TBC1D19: variants seen among roughly 807,000 people sequenced by gnomAD.
TBC1D19 encodes TBC1 domain family, member 19.
A neutral mutation model predicts 89.0 loss-of-function variants in TBC1D19; 60 were observed. That is an observed-to-expected ratio of 0.67 (90% CI 0.55 to 0.84). The LOEUF (loss-of-function observed/expected upper bound fraction) is 0.84, where lower values mean the gene tolerates loss of function less well. Ranked by LOEUF, TBC1D19 falls within the 40% of genes least tolerant of loss-of-function variation. The pLI, the probability that TBC1D19 is intolerant of heterozygous loss-of-function variation, is 0.00. For synonymous variants in TBC1D19, 189 were observed against 199.7 expected (o/e 0.95, Z 0.45); for missense variants, 500 against 610.8 (o/e 0.82, Z 1.91).
downstream of TBC1D19, among the ~76,000 whole-genome samples, chr4:26,759,684 T>G (rs1052373632): frequency 6.6e-6 from 1 of 152,186 alleles, no homozygotes. Context: ...ATTAGATTCA[T>G]CTTTTCTAGA....
At chr4:26,731,873 T>G (rs750411706) in intron 15 of TBC1D19, among the ~76,000 whole-genome samples, 1 of 151,956 alleles carries the variant, frequency 6.6e-6, no homozygotes, top group Non-Finnish European at 1.5e-5. Context: ...TGGGAAACCA[T>G]TTGCGAGATT....
At chr4:26,731,068 A>T (rs1313383196) in intron 15 of TBC1D19, among the ~76,000 whole-genome samples, 1 of 152,202 alleles carries the variant, frequency 6.6e-6, no homozygotes, top group Non-Finnish European at 1.5e-5. Flanking sequence ...GTTAAGTAAC[A>T]TACGTAAGCG....
chr4:26,579,838 C>T (rs1295630256), upstream of TBC1D19, among the ~76,000 whole-genome samples: 4 of 152,060 alleles, frequency 2.6e-5, no homozygotes, highest in African/African-American at 7.2e-5. Context: ...TTCAAGACAG[C>T]GGTAGGACAA....
the TBC1D19 span, among the ~76,000 whole-genome samples, chr4:26,815,723 T>A: frequency 6.6e-6 from 1 of 152,252 alleles, no homozygotes; most frequent in African/African-American, 2.4e-5. Context: ...GTCAGGCTAA[T>A]TACAGTAATT....
At chr4:26,854,805 G>A in the TBC1D19 span, among the ~76,000 whole-genome samples, 1 of 150,856 alleles carries the variant, frequency 6.6e-6, no homozygotes, top group Non-Finnish European at 1.5e-5. Flanking sequence ...ACTGCAGGCT[G>A]CAGGTGGACA....
At chr4:26,590,800 T>TTTTTTTTG (rs1560400082) in intron 1 of TBC1D19, among the ~76,000 whole-genome samples, 1 of 112,696 alleles carries the variant, frequency 8.9e-6, no homozygotes, top group Admixed American at 9.8e-5. Flanking sequence ...AGGTCTGTTT[T>TTTTTTTTG]TTTTTTTTTT....
At chr4:26,814,869 A>T in the TBC1D19 span, among the ~76,000 whole-genome samples, 2 of 152,098 alleles carry the variant, frequency 1.3e-5, no homozygotes, top group South Asian at 4.1e-4. Flanking sequence ...AAAATTTCAG[A>T]AAGTTATCTG....
chr4:26,608,602 G>A (rs1560414579), intron 1 of TBC1D19, among the ~76,000 whole-genome samples: 1 of 152,028 alleles, frequency 6.6e-6, no homozygotes, highest in South Asian at 2.1e-4. Context: ...AGTACTGAAA[G>A]TGTTTAGAAA....
intron 4 of TBC1D19, among the ~76,000 whole-genome samples, chr4:26,621,470 T>C (rs1332078340): frequency 6.6e-6 from 1 of 152,206 alleles, no homozygotes; most frequent in Non-Finnish European, 1.5e-5. Flanking sequence ...TTTTTTGGTA[T>C]GGAATATTTC....
upstream of TBC1D19, among the ~76,000 whole-genome samples, chr4:26,582,982 G>A (rs1010648437): frequency 4.6e-5 from 7 of 152,222 alleles, 1 homozygote; most frequent in African/African-American, 9.6e-5. Flanking sequence ...TCAGAAATGC[G>A]GTTTACCAGT....
chr4:26,583,947 G>T, upstream of TBC1D19: 1 of 529,718 alleles, frequency 1.9e-6, no homozygotes, highest in Non-Finnish European at 3.4e-6. Context: ...GAACAACGGT[G>T]TGAAAAGCGT....
intron 4 of TBC1D19, among the ~76,000 whole-genome samples, chr4:26,629,369 A>T (rs1173114759): frequency 6.6e-6 from 1 of 151,968 alleles, no homozygotes; most frequent in African/African-American, 2.4e-5. Flanking sequence ...ATACTTCTCT[A>T]CTATAATACT....
intron 7 of TBC1D19, among the ~76,000 whole-genome samples, chr4:26,646,791 TG>T (rs1743998200): frequency 6.6e-6 from 1 of 151,482 alleles, no homozygotes; most frequent in Non-Finnish European, 1.5e-5. Flanking sequence ...CACACTGAGG[TG>T]GGGGAATGGG....
chr4:26,800,404 G>A, the TBC1D19 span, among the ~76,000 whole-genome samples: 3 of 152,034 alleles, frequency 2.0e-5, no homozygotes, highest in East Asian at 3.9e-4. Flanking sequence ...CCAGTCTATC[G>A]TTGTTGGACA....
chr4:26,801,203 T>C, the TBC1D19 span, among the ~76,000 whole-genome samples: 1 of 152,160 alleles, frequency 6.6e-6, no homozygotes, highest in Non-Finnish European at 1.5e-5. Context: ...AAGGAAGGGA[T>C]CCAGTTTCAG....
chr4:26,849,292 A>C, the TBC1D19 span, among the ~76,000 whole-genome samples: 1 of 152,208 alleles, frequency 6.6e-6, no homozygotes, highest in Non-Finnish European at 1.5e-5. Flanking sequence ...TGTTGAACAC[A>C]ATATGGCTGT....
Position 26,659,691 on chromosome 4 carries a change from A to G in TBC1D19, c.575A>G (p.Lys192Arg). Residue 192 changes from lysine (K) to arginine (R), a missense_variant, in exon 8 of 21, where the codon AAA becomes AGA. By Grantham distance (26) the Lys-to-Arg change is conservative. Coordinates refer to ENST00000264866, the MANE Select transcript of TBC1D19 (RefSeq NM_018317.4). ...LGLIQVPLKV[K>R]DIPELKECFV... ...TTAATTCAAGTTCCACTGAAAGTAA[A>G]AGACATCCCTGAATTGGTAAGTATA... The G allele has an allele frequency of 6.3e-7, 1 of 1,581,134 alleles. No homozygotes were observed. Among genetic ancestry groups the G allele is most frequent in the Non-Finnish European group, 8.6e-7 (1 of 1,156,644 alleles).
intron 19 of TBC1D19, among the ~76,000 whole-genome samples, chr4:26,749,263 A>C (rs572342211): frequency 1.1e-4 from 16 of 152,278 alleles, no homozygotes; most frequent in African/African-American, 3.6e-4. Context: ...GATTACCAGG[A>C]AATTCAAATA....
chr4:26,638,628 C>T, intron 5 of TBC1D19, 143 bp from the exon 6 acceptor site: 2 of 622,096 alleles, frequency 3.2e-6, no homozygotes, highest in South Asian at 2.2e-5. Context: ...ATGCAGTTAC[C>T]CCCCAAATTC....
Sources: gnomAD v4.1 joint callset for allele counts (sites outside exome capture counted in the v4.1 genomes callset) on GRCh38, gnomAD v4.1.1 for gene constraint, MANE v1.5 for transcripts, NCBI Gene and HGNC (gene_info 2026-07-23, HGNC 2026-07-21) for gene names.